The following PNO1 variants were observed in gnomAD, a reference collection of about 807,000 sequenced individuals.
The protein encoded by PNO1 is partner of NOB1 homolog.
In PNO1, 16 loss-of-function variants were observed where a neutral mutation model predicts 28.4. The observed-to-expected ratio is 0.56, with a 90% CI of 0.38 to 0.85. PNO1 has a LOEUF of 0.85. PNO1 is among the 40% of genes least tolerant of loss of function. The probability of loss-of-function intolerance (pLI) is 0.00; values close to 1 mark genes in which losing one functional copy is unlikely to be tolerated. For missense variants in PNO1, 304 were observed against 312.2 expected (o/e 0.97, Z 0.20); for synonymous variants, 115 against 110.8 (o/e 1.04, Z -0.24).
intron 2 of PNO1, among the ~76,000 whole-genome samples, chr2:68,159,147 G>A (rs929978005): frequency 2.3e-4 from 35 of 152,144 alleles, no homozygotes; most frequent in Non-Finnish European, 3.1e-4. Flanking sequence ...ACCATGGTAT[G>A]AGCGGTTGGT....
intron 5 of PNO1, among the ~76,000 whole-genome samples, chr2:68,164,575 A>C (rs1256326592): frequency 6.6e-6 from 1 of 151,866 alleles, no homozygotes; most frequent in Non-Finnish European, 1.5e-5. Flanking sequence ...AGGTGGGAGG[A>C]AGGAATGCTT....
At chr2:68,165,377 A>AAAAAAAAAC (rs1553401401) in intron 5 of PNO1, among the ~76,000 whole-genome samples, 14 of 61,790 alleles carry the variant, frequency 2.3e-4, no homozygotes, top group South Asian at 8.3e-4. Flanking sequence ...AAAAAAAAAA[A>AAAAAAAAAC]AACAACAAAA....
intron 6 of PNO1, among the ~76,000 whole-genome samples, chr2:68,173,903 A>G (rs1235200694): frequency 1.4e-4 from 22 of 152,172 alleles, no homozygotes; most frequent in Non-Finnish European, 1.5e-5. Flanking sequence ...ACTTTTGCTT[A>G]GATTCCATTT....
rs1254118160 is a variant in PNO1, at chr2:68,169,188, C to T, written c.621-4159C>T. ...TCGCAGTCCACCCGCCTCGGGCTCC[C>T]AAAGTGCTGGGATTACAGGTGTGAG... On this transcript the variant is annotated intron_variant, in intron 5 of 6. Coordinates refer to ENST00000263657, the MANE Select transcript of PNO1 (RefSeq NM_020143.4). 3.9e-5 allele frequency among the ~76,000 whole-genome samples: 6 copies of T among 152,090 alleles called. No individual in the cohort carries two copies. The East Asian group carries it at 1.2e-3, about 29-fold the overall frequency.
intron 5 of PNO1, among the ~76,000 whole-genome samples, chr2:68,163,459 A>C (rs1382361545): frequency 1.3e-5 from 2 of 152,138 alleles, no homozygotes; most frequent in Non-Finnish European, 2.9e-5. Context: ...TGAACCTAGG[A>C]GGAGGAGGTT....
At chr2:68,166,772 T>C (rs1383032913) in intron 5 of PNO1, among the ~76,000 whole-genome samples, 1 of 152,226 alleles carries the variant, frequency 6.6e-6, no homozygotes, top group Non-Finnish European at 1.5e-5. Flanking sequence ...AATTGTCTAA[T>C]GTCACCTTGT....
intron 5 of PNO1, among the ~76,000 whole-genome samples, chr2:68,166,814 C>G (rs1674007193): frequency 6.6e-6 from 1 of 152,182 alleles, no homozygotes; most frequent in Non-Finnish European, 1.5e-5. Flanking sequence ...CATCATCTTC[C>G]TCATCACCCG....
rs1673719762 is a variant in PNO1 at position 68,158,140 on chromosome 2, T to C, written c.206T>C (p.Leu69Pro). The C allele has an allele frequency of 1.3e-6, 2 of 1,595,308 alleles. No individual in the cohort carries two copies. Among genetic ancestry groups the C allele is most frequent in the Non-Finnish European group, 1.7e-6 (2 of 1,170,466 alleles). The change falls in exon 1 of 7, where the codon CTG becomes CCG. Residue 69 changes from leucine to proline, a missense_variant and splice_region_variant. Physicochemically the swap from Leu to Pro is moderately conservative, Grantham distance 98. Transcript: ENST00000263657. ...CCACCCCTCTGTGGGGACGGGCTCC[T>C]GGTATGTGGCTGGGACCCTAGGACA... ...VFPPLCGDGL[L>P]SGKEETRKIP...
chr2:68,162,404 T>C (rs372150179), intron 4 of PNO1, 79 bp downstream of exon 4: 4 of 1,177,846 alleles, frequency 3.4e-6, no homozygotes, highest in East Asian at 4.7e-5. Context: ...ATAGCATCAA[T>C]TGAGCTGTAT....
In PNO1 at chr2:68,157,949, G is replaced by A. The variant is rs1328860803; in HGVS notation, c.15G>A (p.Met5Ile). 5 of 1,613,904 alleles carry A rather than the reference G, an allele frequency of 3.1e-6. No homozygotes were observed. In the African/African-American group the frequency reaches 6.7e-5, roughly 22 times the overall value. ...GATTTCCGGGGATGGAATCCGAAAT[G>A]GAAACGCAGAGCGCCAGGGCAGAGG... MESE[M>I]ETQSARAEEG... Residue 5 changes from methionine (M) to isoleucine (I), a missense_variant, in exon 1 of 7, where the codon ATG (methionine) becomes ATA (isoleucine). Transcript: ENST00000263657.
chr2:68,162,833 A>G (rs749090602), intron 5 of PNO1, among the ~76,000 whole-genome samples, 170 bp downstream of exon 5: 15 of 152,236 alleles, frequency 9.9e-5, no homozygotes, highest in Non-Finnish European at 1.9e-4. Flanking sequence ...TCTAAAATGC[A>G]TTTAATATGC....
chr2:68,173,652 G>A (rs1572943741), intron 6 of PNO1, among the ~76,000 whole-genome samples: 2 of 143,810 alleles, frequency 1.4e-5, no homozygotes, highest in South Asian at 2.2e-4. Flanking sequence ...GTGCGATCTC[G>A]GCTCACTGCA....
intron 5 of PNO1, among the ~76,000 whole-genome samples, chr2:68,172,565 A>G (rs1674158771): frequency 6.6e-6 from 1 of 152,244 alleles, no homozygotes; most frequent in Non-Finnish European, 1.5e-5. Flanking sequence ...AATGCCCATT[A>G]AAAGGGTCTA....
At chr2:68,164,897 A>G (rs1402236227) in intron 5 of PNO1, among the ~76,000 whole-genome samples, 5 of 152,242 alleles carry the variant, frequency 3.3e-5, no homozygotes, top group Non-Finnish European at 7.3e-5. Context: ...TAATGATCTC[A>G]TAAGTCAGAA....
chr2:68,169,583 T>G (rs1674076087), intron 5 of PNO1, among the ~76,000 whole-genome samples: 1 of 152,252 alleles, frequency 6.6e-6, no homozygotes, highest in Non-Finnish European at 1.5e-5. Flanking sequence ...TATGGAGTTA[T>G]GATTTAATAC....
At chr2:68,173,218 T>C in intron 5 of PNO1, 129 bp from the exon 6 acceptor site, 1 of 620,760 alleles carries the variant, frequency 1.6e-6, no homozygotes, top group South Asian at 1.9e-5. Flanking sequence ...CGTCTCATTA[T>C]GCTGTCCAGG....
At position 68,158,306 on chromosome 2, in the gene PNO1, T is replaced by C. The variant is rs1040728445; in HGVS notation, c.208-74T>C. 4.1e-6 allele frequency: 6 copies of C among 1,459,034 alleles called. No homozygotes were observed. The African/African-American group carries it at 8.5e-5, about 21-fold the overall frequency. 90.4% of individuals were successfully genotyped at this position (1,459,034 alleles called of 1,614,324 possible). A position where few individuals can be genotyped will look rare whatever the true frequency, so the allele number is the denominator to read the frequency against. On this transcript the variant is annotated intron_variant, in intron 1 of 6. Transcript: ENST00000263657. ...TAGTTCAGTTAAAGGAGGCCCTTTG[T>C]GGATCAGATGTCATTTTAAACTCCA...
chr2:68,166,310 T>G (rs967637731), intron 5 of PNO1, among the ~76,000 whole-genome samples: 1 of 152,234 alleles, frequency 6.6e-6, no homozygotes, highest in Non-Finnish European at 1.5e-5. Context: ...CTGGAAGCTA[T>G]ACCAATAACA....
At chr2:68,168,669 A>C (rs761477615) in intron 5 of PNO1, among the ~76,000 whole-genome samples, 1 of 152,160 alleles carries the variant, frequency 6.6e-6, no homozygotes, top group South Asian at 2.1e-4. Flanking sequence ...ACAATTTGAT[A>C]TCTTATTGCC....
Sources: allele counts gnomAD v4.1 joint callset (sites outside exome capture counted in the v4.1 genomes callset), GRCh38; gene constraint gnomAD v4.1.1; transcripts MANE v1.5; gene names NCBI Gene and HGNC (gene_info 2026-07-23, HGNC 2026-07-21).